The following ZNF718 variants were observed in gnomAD, a reference collection of about 807,000 sequenced individuals.
ZNF718 encodes the protein zinc finger protein 718.
A neutral mutation model predicts 2.6 loss-of-function variants in ZNF718; 3 were observed. The observed-to-expected ratio is 1.16, with a 90% CI of 0.53 to 3.01. ZNF718 has a LOEUF of 3.01. Ranked by LOEUF, ZNF718 falls within the 30% of genes most tolerant of loss-of-function variation. The pLI is 0.03. For missense variants in ZNF718, 468 were observed against 230.0 expected, an observed-to-expected ratio of 2.03 and a Z score of -6.69; for synonymous variants, 135 against 77.9, an observed-to-expected ratio of 1.73 and a Z score of -3.86.
At chr4:144,871 C>G (rs1184806602) in intron 3 of ZNF718, among the ~76,000 whole-genome samples, 1 of 152,030 alleles carries the variant, frequency 6.6e-6, no homozygotes, top group Admixed American at 6.6e-5. Context: ...TGTATGAGTT[C>G]TAATGGTGTT....
At chr4:193,781 TG>T (rs1717739718) in intron 3 of ZNF718, among the ~76,000 whole-genome samples, 1 of 152,130 alleles carries the variant, frequency 6.6e-6, no homozygotes, top group East Asian at 1.9e-4. Flanking sequence ...GGCTGGCACT[TG>T]CCCCAGGCAC....
At chr4:133,321 C>T (rs1341422379) in intron 3 of ZNF718, among the ~76,000 whole-genome samples, 2 of 151,010 alleles carry the variant, frequency 1.3e-5, no homozygotes, top group African/African-American at 4.9e-5. Context: ...TAAAAATGCC[C>T]TCACATTCAA....
intron 3 of ZNF718, among the ~76,000 whole-genome samples, chr4:147,890 A>G (rs1716137269): frequency 6.6e-6 from 1 of 151,958 alleles, no homozygotes; most frequent in Non-Finnish European, 1.5e-5. Flanking sequence ...CCCTCCAATT[A>G]TATCTGGGGG....
intron 3 of ZNF718, among the ~76,000 whole-genome samples, chr4:177,430 G>C (rs1344627134): frequency 6.6e-6 from 1 of 152,148 alleles, no homozygotes; most frequent in African/African-American, 2.4e-5. Context: ...TTATACACCA[G>C]GCCTCTTCCC....
At position 161,238 on chromosome 4, in the gene ZNF718, C is replaced by T. The variant is rs1487159114; in HGVS notation, c.553C>T (p.Arg185Cys). ...TGGCAAATCATTTCACGTGCTCTCACGCCTAACTCAACACAAAAGAATTCA... is the reference window on the plus strand; with the variant it reads ...TGGCAAATCATTTCACGTGCTCTCATGCCTAACTCAACACAAAAGAATTCA... The part of the protein sequence containing the change: ...ECGKSFHVLS[R>C]LTQHKRIHTG... Residue 185 changes from arginine to cysteine, a missense_variant, in exon 4 of 4, where the codon CGC (arginine) becomes TGC (cysteine). Coordinates refer to ENST00000510175, the MANE Select transcript of ZNF718 (RefSeq NM_001039127.6). The T allele has an allele frequency of 7.7e-6, 6 of 776,830 alleles. No homozygotes were observed. Among genetic ancestry groups the T allele is most frequent in the Admixed American group, 1.7e-5 (1 of 57,892 alleles). The allele number at this position is 776,830 out of a possible 1,614,324, so 48.1% of individuals were successfully genotyped here.
At position 162,972 on chromosome 4, in the gene ZNF718, ATTTC is replaced by A. The variant is rs1360143731; in HGVS notation, c.*856_*859del. Reference sequence around the variant, plus strand: ...ATTCCAAAGCTGAAACTGTTAGATAATTTCTTTCTATATAAGTTGAAAAGGAGTA... The same window carrying A: ...ATTCCAAAGCTGAAACTGTTAGATAATTTCTATATAAGTTGAAAAGGAGTA... On this transcript the variant is annotated 3_prime_UTR_variant, in exon 4 of 4. Transcript: ENST00000510175. The A allele has an allele frequency of 2.0e-5, 3 of 152,284 alleles. No homozygotes were observed. Among genetic ancestry groups the A allele is most frequent in the East Asian group, 3.9e-4 (2 of 5,178 alleles). 9.4% of individuals were successfully genotyped at this position (152,284 alleles called of 1,614,324 possible).
At position 188,687 on chromosome 4, in the gene ZNF718, C is replaced by G. The variant is rs149946411; in HGVS notation, c.227-12394C>G. On this transcript the variant is annotated intron_variant and NMD_transcript_variant, in intron 3 of 4. Coordinates refer to the ZNF718 transcript ENST00000642529. ...TCCACACAACTCTGTGTGTCAGGCCCAAGGCCCTGGTCAAGTGGGCTCACA... is the reference window on the plus strand; with the variant it reads ...TCCACACAACTCTGTGTGTCAGGCCGAAGGCCCTGGTCAAGTGGGCTCACA... Among the ~76,000 whole-genome samples the G allele has an allele frequency of 2.0e-3, 311 of 152,296 alleles. 1 individual carries two copies. The highest frequency in any genetic ancestry group is 7.1e-3 in the African/African-American group (297 of 41,574).
intron 3 of ZNF718, among the ~76,000 whole-genome samples, chr4:146,179 C>T (rs1046612511): frequency 6.6e-6 from 1 of 151,348 alleles, no homozygotes; most frequent in Non-Finnish European, 1.5e-5. Context: ...GAAAAATTCT[C>T]ATTAACATTT....
At chr4:180,955 T>C (rs538183570) in intron 3 of ZNF718, among the ~76,000 whole-genome samples, 1 of 152,294 alleles carries the variant, frequency 6.6e-6, no homozygotes, top group South Asian at 2.1e-4. Flanking sequence ...CCATTAAATA[T>C]TTTGTCTTTT....
downstream of ZNF718, among the ~76,000 whole-genome samples, chr4:167,067 A>T (rs984870412): frequency 6.6e-6 from 1 of 152,120 alleles, no homozygotes; most frequent in Non-Finnish European, 1.5e-5. Flanking sequence ...CTTTCTACAT[A>T]TGGCTAGCCA....
Position 191,240 on chromosome 4 carries a change from C to T in ZNF718, c.227-9841C>T, listed in dbSNP as rs189885438. The stretch of plus-strand genomic sequence containing the variant: ...CTCGGCTCACTGCAACCTCCGCTTC[C>T]GGGGTTCAAGCAATTCTCCTGTCTC... On this transcript the variant is annotated intron_variant and NMD_transcript_variant, in intron 3 of 4. Coordinates refer to the ZNF718 transcript ENST00000642529. 5.5e-4 allele frequency among the ~76,000 whole-genome samples: 82 copies of T among 150,020 alleles called. No homozygotes were observed. In the East Asian group the frequency reaches 7.6e-3, roughly 14 times the overall value.
chr4:158,381 G>T (rs1716670932), intron 3 of ZNF718, among the ~76,000 whole-genome samples: 1 of 151,734 alleles, frequency 6.6e-6, no homozygotes, highest in African/African-American at 2.4e-5. Context: ...TAAATAATTT[G>T]CTGACAGAAA....
At chr4:159,971 G>A (rs1429962594) in intron 3 of ZNF718, among the ~76,000 whole-genome samples, 11 of 152,088 alleles carry the variant, frequency 7.2e-5, no homozygotes, top group Non-Finnish European at 1.5e-4. Flanking sequence ...ATGTTGTAAG[G>A]GTGTGTCTTG....
chr4:126,850 G>C (rs148393501), intron 1 of ZNF718, among the ~76,000 whole-genome samples: 4 of 148,986 alleles, frequency 2.7e-5, no homozygotes, highest in African/African-American at 9.9e-5. Context: ...TTTTTAAGAC[G>C]GAGTCTTCGC....
chr4:150,879 A>C (rs1385390982), intron 3 of ZNF718, among the ~76,000 whole-genome samples: 1 of 151,220 alleles, frequency 6.6e-6, no homozygotes, highest in Non-Finnish European at 1.5e-5. Flanking sequence ...TGACCCAACA[A>C]TTTGAATTTT....
intron 3 of ZNF718, among the ~76,000 whole-genome samples, chr4:155,338 G>A (rs938764777): frequency 9.9e-5 from 15 of 152,170 alleles, no homozygotes; most frequent in African/African-American, 2.6e-4. Flanking sequence ...CTGATAGCTC[G>A]CACCATGCAC....
chr4:148,909 C>T (rs782166836), intron 3 of ZNF718, among the ~76,000 whole-genome samples: 1 of 152,142 alleles, frequency 6.6e-6, no homozygotes, highest in East Asian at 1.9e-4. Flanking sequence ...GAGAATTATT[C>T]ATATTTCATT....
At chr4:172,621 C>T (rs1456292732) in intron 3 of ZNF718, among the ~76,000 whole-genome samples, 2 of 152,112 alleles carry the variant, frequency 1.3e-5, no homozygotes, top group Non-Finnish European at 2.9e-5. Flanking sequence ...GCAACTTTGA[C>T]TTCAGAAATA....
At chr4:180,972 A>G (rs1376821808) in intron 3 of ZNF718, among the ~76,000 whole-genome samples, 1 of 152,070 alleles carries the variant, frequency 6.6e-6, no homozygotes, top group Non-Finnish European at 1.5e-5. Context: ...TTTTGTATTC[A>G]TTATGATTCT....
Sources: allele counts gnomAD v4.1 joint callset (sites outside exome capture counted in the v4.1 genomes callset), GRCh38; gene constraint gnomAD v4.1.1; transcripts MANE v1.5; gene names NCBI Gene and HGNC (gene_info 2026-07-23, HGNC 2026-07-21).